GRAP2: variants seen among roughly 807,000 people sequenced by gnomAD.
GRAP2 encodes GRB2 related adaptor protein 2.
Under a neutral mutation model 43.5 loss-of-function variants are expected in GRAP2, and 31 were observed. The observed-to-expected ratio is 0.71, with a 90% CI of 0.54 to 0.96. The LOEUF is 0.96. Ranked by LOEUF, GRAP2 falls within the 40% of genes least tolerant of loss-of-function variation. The pLI is 0.00. For synonymous variants in GRAP2, 156 were observed against 164.8 expected (o/e 0.95, Z 0.41); for missense variants, 371 against 424.4 (o/e 0.87, Z 1.11).
At chr22:39,915,201 A>G (rs185079585) in intron 1 of GRAP2, among the ~76,000 whole-genome samples, 21 of 151,644 alleles carry the variant, frequency 1.4e-4, no homozygotes, top group South Asian at 8.3e-4. Flanking sequence ...AAAAAAAAAA[A>G]AAAAGAAAAG....
chr22:39,909,108 G>A (rs1427154442), intron 1 of GRAP2, among the ~76,000 whole-genome samples: 2 of 152,152 alleles, frequency 1.3e-5, no homozygotes, highest in Non-Finnish European at 2.9e-5. Flanking sequence ...AGAACATGGT[G>A]CTTTCTTGTG....
intron 2 of GRAP2, chr22:39,947,394 G>A (rs1032082967): frequency 4.5e-5 from 25 of 560,446 alleles, no homozygotes; most frequent in African/African-American, 4.3e-4. Flanking sequence ...TGTCCTGGGA[G>A]GTTCGTAGTC....
At chr22:39,936,725 G>A (rs952474500) in intron 1 of GRAP2, among the ~76,000 whole-genome samples, 3 of 152,072 alleles carry the variant, frequency 2.0e-5, no homozygotes, top group African/African-American at 2.4e-5. Context: ...TGGTGGGGGG[G>A]ACCGGCAGAA....
intron 3 of GRAP2, among the ~76,000 whole-genome samples, chr22:39,959,786 G>A (rs2067097012): frequency 6.6e-6 from 1 of 152,180 alleles, no homozygotes; most frequent in Admixed American, 6.5e-5. Flanking sequence ...TTGGTGCAGC[G>A]ACACATTTCC....
chr22:39,898,129 G>T (rs2066473044), upstream of GRAP2, among the ~76,000 whole-genome samples: 1 of 152,180 alleles, frequency 6.6e-6, no homozygotes, highest in Non-Finnish European at 1.5e-5. Flanking sequence ...ACCTGCAAAA[G>T]CTATTTCCCC....
rs775033683 is a variant in GRAP2, at chr22:39,967,995, G to T, written c.460-47G>T. 1.9e-6 allele frequency: 3 copies of T among 1,584,274 alleles called. No homozygotes were observed. The East Asian group carries it at 6.8e-5, about 36-fold the overall frequency. On this transcript the variant is annotated intron_variant, in intron 5 of 7. Coordinates refer to ENST00000344138, the MANE Select transcript of GRAP2 (RefSeq NM_004810.4). ...GCCCGAGGGTAGGGTAGGGCCAGAC[G>T]ATCAGAGAGGAGGATGCATCTGCAG...
chr22:39,935,960 A>G (rs2066802696), intron 1 of GRAP2, among the ~76,000 whole-genome samples: 1 of 152,220 alleles, frequency 6.6e-6, no homozygotes, highest in South Asian at 2.1e-4. Context: ...TTTCAAATCC[A>G]TGATAAATAA....
intron 1 of GRAP2, among the ~76,000 whole-genome samples, chr22:39,912,565 A>G (rs563536211): frequency 6.6e-6 from 1 of 152,282 alleles, no homozygotes; most frequent in East Asian, 1.9e-4. Context: ...GAAGCTAGGG[A>G]TGCTGCTGAG....
chr22:39,929,611 C>T (rs531229071), intron 1 of GRAP2, among the ~76,000 whole-genome samples: 5 of 152,282 alleles, frequency 3.3e-5, no homozygotes, highest in Admixed American at 1.3e-4. Flanking sequence ...AAATGAACTC[C>T]TCCGCATGAC....
At chr22:39,930,321 A>G (rs2066744345) in intron 1 of GRAP2, among the ~76,000 whole-genome samples, 1 of 152,194 alleles carries the variant, frequency 6.6e-6, no homozygotes, top group African/African-American at 2.4e-5. Context: ...GTTTAAGTGC[A>G]CAGGCTGAGT....
intron 1 of GRAP2, among the ~76,000 whole-genome samples, chr22:39,925,678 T>C (rs768937546): frequency 1.3e-5 from 2 of 152,230 alleles, no homozygotes; most frequent in Non-Finnish European, 2.9e-5. Flanking sequence ...CCAATTGTGG[T>C]GCAATCCAGA....
Position 39,901,232 on chromosome 22 carries a change from A to G in GRAP2, c.-113A>G, listed in dbSNP as rs2066490601. Reference sequence around the variant, plus strand: ...GTGGATCCATACTCTGAAATGCAGTAACTCTGATGCTTGAATTTGTCTCCC... The same window carrying G: ...GTGGATCCATACTCTGAAATGCAGTGACTCTGATGCTTGAATTTGTCTCCC... On this transcript the variant is annotated 5_prime_UTR_variant, in exon 1 of 8. An upstream open reading frame in the 5' UTR loses its in-frame stop. Coordinates refer to ENST00000344138, the MANE Select transcript of GRAP2 (RefSeq NM_004810.4). The G allele has an allele frequency of 1.6e-5, 19 of 1,205,324 alleles. No individual in the cohort carries two copies. Among genetic ancestry groups the G allele is most frequent in the Non-Finnish European group, 2.1e-5 (19 of 912,118 alleles). 74.7% of individuals were successfully genotyped at this position (1,205,324 alleles called of 1,614,324 possible).
intron 2 of GRAP2, among the ~76,000 whole-genome samples, chr22:39,954,639 T>C (rs2067027342): frequency 2.0e-5 from 3 of 152,262 alleles, no homozygotes; most frequent in South Asian, 4.2e-4. Flanking sequence ...AAGTGATCTA[T>C]GTGCCTTGGC....
intron 4 of GRAP2, among the ~76,000 whole-genome samples, chr22:39,962,114 G>T (rs1054958621): frequency 6.6e-6 from 1 of 152,094 alleles, no homozygotes; most frequent in Non-Finnish European, 1.5e-5. Flanking sequence ...ATGAAATTTC[G>T]CTCCATTAAC....
At chr22:39,961,215 C>A (rs925158249) in intron 4 of GRAP2, among the ~76,000 whole-genome samples, 2 of 152,200 alleles carry the variant, frequency 1.3e-5, no homozygotes, top group South Asian at 2.1e-4. Context: ...TGGCCTCCCC[C>A]ATAGTGACCC....
intron 1 of GRAP2, 83 bp from the exon 2 acceptor site, chr22:39,947,010 C>A: frequency 1.2e-6 from 1 of 819,294 alleles, no homozygotes; most frequent in Non-Finnish European, 2.2e-6. Flanking sequence ...CTCCTAGGAA[C>A]TGCTGATTAC....
At chr22:39,950,747 A>G (rs1292465004) in intron 2 of GRAP2, among the ~76,000 whole-genome samples, 1 of 152,232 alleles carries the variant, frequency 6.6e-6, no homozygotes, top group Non-Finnish European at 1.5e-5. Flanking sequence ...ATTGCAGGTA[A>G]AGAGCAAAAT....
intron 1 of GRAP2, among the ~76,000 whole-genome samples, chr22:39,919,948 T>C (rs1428935013): frequency 6.6e-6 from 1 of 152,234 alleles, no homozygotes; most frequent in East Asian, 1.9e-4. Context: ...ATGAGGAAAC[T>C]GAGGCCAGAG....
At chr22:39,965,003 G>A (rs143647693) in intron 4 of GRAP2, among the ~76,000 whole-genome samples, 98 of 152,338 alleles carry the variant, frequency 6.4e-4, no homozygotes, top group African/African-American at 2.3e-3. Flanking sequence ...CAGTGACCTT[G>A]ACCAAGCCCC....
Sources: gnomAD v4.1 joint callset for allele counts (sites outside exome capture counted in the v4.1 genomes callset) on GRCh38, gnomAD v4.1.1 for gene constraint, MANE v1.5 for transcripts, NCBI Gene and HGNC (gene_info 2026-07-23, HGNC 2026-07-21) for gene names.